NBEAL1: variants seen among roughly 807,000 people sequenced by gnomAD.
The protein encoded by NBEAL1 is neurobeachin-like protein 1.
A neutral mutation model predicts 351.3 loss-of-function variants in NBEAL1; 273 were observed. That is an observed-to-expected ratio of 0.78 (90% CI 0.70 to 0.86). The LOEUF (loss-of-function observed/expected upper bound fraction) is 0.86. Ranked by LOEUF, NBEAL1 falls within the 40% of genes least tolerant of loss-of-function variation. The pLI is 0.00. For synonymous variants in NBEAL1, 1,050 were observed against 1,086.4 expected, an observed-to-expected ratio of 0.97 and a Z score of 0.66; for missense variants, 2,961 against 3,201.3, an observed-to-expected ratio of 0.92 and a Z score of 1.81.
At chr2:203,212,255 G>A (rs2065808106) in intron 54 of NBEAL1, among the ~76,000 whole-genome samples, 1 of 152,084 alleles carries the variant, frequency 6.6e-6, no homozygotes, top group Non-Finnish European at 1.5e-5. Context: ...TGTAATGAGA[G>A]GGCCTAGGTG....
intron 3 of NBEAL1, among the ~76,000 whole-genome samples, chr2:203,048,975 A>G (rs955529052): frequency 6.7e-6 from 1 of 148,682 alleles, no homozygotes; most frequent in Non-Finnish European, 1.5e-5. Context: ...TGGGGAGTCT[A>G]TACTAAAACA....
At chr2:203,169,981 T>G in intron 39 of NBEAL1, 130 bp downstream of exon 39, 1 of 615,270 alleles carries the variant, frequency 1.6e-6, no homozygotes, top group South Asian at 1.9e-5. Context: ...TGAATTATCT[T>G]TGAATCTTCC....
At chr2:203,165,742 A>G (rs2064112228) in intron 36 of NBEAL1, among the ~76,000 whole-genome samples, 2 of 152,114 alleles carry the variant, frequency 1.3e-5, no homozygotes, top group South Asian at 4.1e-4. Context: ...AATTTGACAG[A>G]TAAGTGATTT....
intron 2 of NBEAL1, among the ~76,000 whole-genome samples, chr2:203,024,188 T>G (rs1412351158): frequency 1.4e-5 from 2 of 148,072 alleles, no homozygotes; most frequent in South Asian, 4.2e-4. Flanking sequence ...AGAGTAAGAC[T>G]CTTTCTCACA....
chr2:203,036,973 G>A (rs2061049379), intron 2 of NBEAL1, among the ~76,000 whole-genome samples: 1 of 149,086 alleles, frequency 6.7e-6, no homozygotes, highest in Non-Finnish European at 1.5e-5. Flanking sequence ...ATCTTGAATG[G>A]ATAAATGAAT....
intron 10 of NBEAL1, among the ~76,000 whole-genome samples, chr2:203,094,030 A>T (rs2106194714): frequency 6.6e-6 from 1 of 152,304 alleles, no homozygotes; most frequent in East Asian, 1.9e-4. Flanking sequence ...ATAAGCTTCT[A>T]AACTTCTTCA....
Position 203,218,131 on chromosome 2 carries a change from C to T in NBEAL1, c.*777C>T, listed in dbSNP as rs1421849666. ...AAAGTTCCGAATTTCTTGACTCTTT[C>T]TTCACTAAGCAAATACTGTTTTACT... On this transcript the variant is annotated 3_prime_UTR_variant, in exon 56 of 56. Transcript: ENST00000683969. 1 of 172,872 alleles carries T rather than the reference C, an allele frequency of 5.8e-6. No individual in the cohort carries two copies. Among genetic ancestry groups the T allele is most frequent in the Non-Finnish European group, 1.1e-5 (1 of 87,028 alleles). The allele number at this position is 172,872 out of a possible 1,614,324, so 10.7% of individuals were successfully genotyped here. A position where few individuals can be genotyped will look rare whatever the true frequency, so the allele number is the denominator to read the frequency against.
chr2:203,068,468 C>G lies in NBEAL1; in HGVS notation c.591C>G (p.Phe197Leu), dbSNP rs2061629800. The stretch of plus-strand genomic sequence containing the variant: ...CTCTCACAGTGGAATTCGTCCCTTT[C>G]TTTTATCGTAAGTAACACCTCTAAT... Reference protein sequence around the residue: ...PASLTVEFVPFFYQCFQESEH... With the variant: ...PASLTVEFVPLFYQCFQESEH... Residue 197 changes from phenylalanine to leucine, a missense_variant, in exon 7 of 56, where the codon TTC becomes TTG. Physicochemically the swap from Phe to Leu is conservative, Grantham distance 22. Transcript: ENST00000683969. 13 of 1,538,736 alleles carry G rather than the reference C, an allele frequency of 8.4e-6. No homozygotes were observed. Among genetic ancestry groups the G allele is most frequent in the Non-Finnish European group, 1.1e-5 (13 of 1,136,314 alleles).
At chr2:203,187,337 C>CG (rs2064928046) in intron 44 of NBEAL1, among the ~76,000 whole-genome samples, 1 of 143,418 alleles carries the variant, frequency 7.0e-6, no homozygotes, top group Non-Finnish European at 1.5e-5. Context: ...GGGTAACAGA[C>CG]ATGAGCCACC....
Position 203,164,192 on chromosome 2 carries a change from G to GA in NBEAL1, c.5715-1947dup, listed in dbSNP as rs906745233. Among the ~76,000 whole-genome samples the GA allele has an allele frequency of 4.4e-4, 63 of 144,798 alleles. No homozygotes were observed. In the Middle Eastern group the frequency reaches 0.014, roughly 33 times the overall value. 95.0% of individuals were successfully genotyped at this position (144,798 alleles called of 152,430 possible). A position where few individuals can be genotyped will look rare whatever the true frequency, so the allele number is the denominator to read the frequency against. ...ATAAAACTTTGTACAATCTTTGAGAGAAAAAAAAAAGATTGCACCACTGCA... is the reference window on the plus strand; with the variant it reads ...ATAAAACTTTGTACAATCTTTGAGAGAAAAAAAAAAAGATTGCACCACTGCA... On this transcript the variant is annotated intron_variant, in intron 36 of 55. Transcript: ENST00000683969.
At chr2:203,057,868 G>A (rs1284008974) in intron 6 of NBEAL1, among the ~76,000 whole-genome samples, 1 of 127,158 alleles carries the variant, frequency 7.9e-6, no homozygotes, top group Non-Finnish European at 1.6e-5. Context: ...ACAGAGTCTT[G>A]CTCTGTTGCC....
chr2:203,192,944 T>C (rs2065132884), intron 46 of NBEAL1, among the ~76,000 whole-genome samples: 1 of 150,562 alleles, frequency 6.6e-6, no homozygotes, highest in African/African-American at 2.4e-5. Flanking sequence ...CTGACAGTAT[T>C]GACTTTTTTT....
At chr2:203,158,209 A>G (rs2063848020) in intron 36 of NBEAL1, among the ~76,000 whole-genome samples, 1 of 152,196 alleles carries the variant, frequency 6.6e-6, no homozygotes, top group South Asian at 2.1e-4. Context: ...AAGATTAAAA[A>G]CATTGAAGCC....
At position 203,201,677 on chromosome 2, in the gene NBEAL1, C is replaced by T; in HGVS notation, c.7373C>T (p.Thr2458Ile). 1 of 1,607,856 alleles carries T rather than the reference C, an allele frequency of 6.2e-7. No homozygotes were observed. The highest frequency in any genetic ancestry group is 1.3e-5 in the African/African-American group (1 of 74,892). Reference sequence around the variant, plus strand: ...AATAGCATTCAAGTGATGTCACTTACAAAAGGCAAAATTATCTCACACATC... The same window carrying T: ...AATAGCATTCAAGTGATGTCACTTATAAAAGGCAAAATTATCTCACACATC... Reference protein sequence around the residue: ...WDNSIQVMSLTKGKIISHIIR... With the variant: ...WDNSIQVMSLIKGKIISHIIR... The change falls in exon 50 of 56, where the codon ACA becomes ATA. Residue 2458 changes from threonine to isoleucine, a missense_variant. Transcript: ENST00000683969.
rs1213340820 is a variant in NBEAL1, at chr2:203,132,107, C to T, written c.3699C>T (p.Asn1233=). 18 of 1,534,824 alleles carry T rather than the reference C, an allele frequency of 1.2e-5. No homozygotes were observed. Among genetic ancestry groups the T allele is most frequent in the African/African-American group, 1.4e-5 (1 of 72,672 alleles). ...TTGTTAATACTTCTCTTATTAAAAACCTCACCCATCAAATCATAAATACAG... is the reference window on the plus strand; with the variant it reads ...TTGTTAATACTTCTCTTATTAAAAATCTCACCCATCAAATCATAAATACAG... The part of the protein sequence containing the change: ...EALVNTSLIK[N]LTHQIINTDP... Residue 1233 remains asparagine (N), a synonymous_variant, in exon 26 of 56, where the codon AAC becomes AAT. Transcript: ENST00000683969.
At chr2:203,180,584 A>G (rs969605438) in intron 43 of NBEAL1, 72 bp downstream of exon 43, 15 of 1,332,720 alleles carry the variant, frequency 1.1e-5, no homozygotes, top group Non-Finnish European at 1.4e-5. Flanking sequence ...CTTTCAGGAC[A>G]TTTTTGTAAT....
chr2:203,122,163 C>A, intron 18 of NBEAL1, 91 bp from the exon 19 acceptor site: 1 of 671,640 alleles, frequency 1.5e-6, no homozygotes, highest in South Asian at 2.2e-5. Context: ...ATCCTATATT[C>A]CTTTTTGTAT....
At chr2:203,076,664 T>C (rs945392838) in intron 7 of NBEAL1, among the ~76,000 whole-genome samples, 3 of 144,550 alleles carry the variant, frequency 2.1e-5, no homozygotes. Context: ...CGATCTCAGC[T>C]CACTGCAACC....
intron 35 of NBEAL1, among the ~76,000 whole-genome samples, chr2:203,156,696 G>T (rs1159280972): frequency 6.6e-6 from 1 of 152,190 alleles, no homozygotes; most frequent in South Asian, 2.1e-4. Context: ...TTCATCTTAT[G>T]TCTGAGCAAC....
Sources: gnomAD v4.1 joint callset for allele counts (sites outside exome capture counted in the v4.1 genomes callset) on GRCh38, gnomAD v4.1.1 for gene constraint, MANE v1.5 for transcripts, NCBI Gene and HGNC (gene_info 2026-07-23, HGNC 2026-07-21) for gene names.